PCDHGA6: variants seen among roughly 807,000 people sequenced by gnomAD.
PCDHGA6 encodes the protein protocadherin gamma subfamily A, 6.
In PCDHGA6, 41 loss-of-function variants were observed where a neutral mutation model predicts 60.6. The observed-to-expected ratio is 0.68, with a 90% CI of 0.53 to 0.88. The LOEUF is 0.88. Ranked by LOEUF, PCDHGA6 falls within the 40% of genes least tolerant of loss-of-function variation. The probability of loss-of-function intolerance (pLI) is 0.00; values close to 1 mark genes in which losing one functional copy is unlikely to be tolerated. For missense variants in PCDHGA6, 1,312 were observed against 1,203.0 expected (o/e 1.09, Z -1.34); for synonymous variants, 594 against 524.4 (o/e 1.13, Z -1.81).
chr5:141,442,650 G>A (rs192694987), intron 1 of PCDHGA6, among the ~76,000 whole-genome samples: 83 of 152,350 alleles, frequency 5.4e-4, no homozygotes, highest in Admixed American at 9.1e-4. Flanking sequence ...CCTAAGATGA[G>A]AAATATTTGG....
intron 1 of PCDHGA6, chr5:141,423,852 GT>G (rs971165220): frequency 2.5e-5 from 32 of 1,279,282 alleles, no homozygotes; most frequent in Non-Finnish European, 3.0e-5. Context: ...CTTTCAGAAC[GT>G]TTTTGTGAAA....
At chr5:141,425,448 C>G (rs897473729) in intron 1 of PCDHGA6, among the ~76,000 whole-genome samples, 1 of 152,164 alleles carries the variant, frequency 6.6e-6, no homozygotes, top group African/African-American at 2.4e-5. Flanking sequence ...AAATAAAACA[C>G]CATCACATTT....
At chr5:141,450,147 C>T (rs1322871298) in intron 1 of PCDHGA6, among the ~76,000 whole-genome samples, 2 of 151,774 alleles carry the variant, frequency 1.3e-5, no homozygotes, top group African/African-American at 4.8e-5. Context: ...GCTGGGACTA[C>T]AGGCATGTGC....
Position 141,511,039 on chromosome 5 carries a change from C to T in PCDHGA6, c.2665C>T (p.Pro889Ser). 1 of 1,614,196 alleles carries T rather than the reference C, an allele frequency of 6.2e-7. No homozygotes were observed. ...YGPQFTLQHV[P>S]DYRQNVYIPG... ...ACCCCAGTTCACCCTGCAGCACGTGCCCGACTACCGCCAGAATGTCTACAT... is the reference window on the plus strand; with the variant it reads ...ACCCCAGTTCACCCTGCAGCACGTGTCCGACTACCGCCAGAATGTCTACAT... The change falls in exon 4 of 4, where the codon CCC (proline) becomes TCC (serine). Residue 889 changes from proline (P) to serine (S), a missense_variant. Physicochemically the swap from Pro to Ser is moderately conservative, Grantham distance 74. Coordinates refer to ENST00000517434, the MANE Select transcript of PCDHGA6 (RefSeq NM_018919.3).
rs746088761 is a variant in PCDHGA6 at position 141,404,246 on chromosome 5, CT to C, written c.2424+27740del. 9.3e-6 allele frequency: 15 copies of C among 1,613,922 alleles called. 1 individual carries two copies. The highest frequency in any genetic ancestry group is 5.0e-5 in the Admixed American group (3 of 60,012). Reference sequence around the variant, plus strand: ...TGCAACAGACAGAGGAACTCCGCCCCTGTCCACAGAAATTCACATCACCCTG... The same window carrying C: ...TGCAACAGACAGAGGAACTCCGCCCCGTCCACAGAAATTCACATCACCCTG... On this transcript the variant is annotated intron_variant, in intron 1 of 3. Coordinates refer to ENST00000517434, the MANE Select transcript of PCDHGA6 (RefSeq NM_018919.3).
chr5:141,444,893 G>T (rs1238224263), intron 1 of PCDHGA6, among the ~76,000 whole-genome samples: 1 of 152,160 alleles, frequency 6.6e-6, no homozygotes, highest in Admixed American at 6.5e-5. Flanking sequence ...TTTTGAATGG[G>T]ATGGCATTGC....
intron 1 of PCDHGA6, among the ~76,000 whole-genome samples, chr5:141,462,459 CTG>C (rs2099040203): frequency 6.6e-6 from 1 of 152,010 alleles, no homozygotes; most frequent in African/African-American, 2.4e-5. Flanking sequence ...TAACTGAAAA[CTG>C]TGTATTCTGC....
Position 141,432,809 on chromosome 5 carries a change from T to A in PCDHGA6, c.2424+56302T>A. ...CGGCAGCCTCGAGTCTCCAGCTAAC[T>A]CTGAAACCTCAGACCTCACTCTGTA... is the stretch of plus-strand genomic sequence containing the variant. On this transcript the variant is annotated intron_variant, in intron 1 of 3. Coordinates refer to ENST00000517434, the MANE Select transcript of PCDHGA6 (RefSeq NM_018919.3). This position sits in a 1 kb window ranked among gnomAD's most constrained non-coding sequence, Gnocchi z 6.0. The A allele has an allele frequency of 6.2e-7, 1 of 1,613,398 alleles. No homozygotes were observed. Among genetic ancestry groups the A allele is most frequent in the Non-Finnish European group, 8.5e-7 (1 of 1,179,980 alleles).
rs2099694486 is a variant in PCDHGA6 at position 141,489,987 on chromosome 5, G to A, written c.2425-4820G>A. The A allele has an allele frequency of 1.2e-6, 2 of 1,614,106 alleles. No homozygotes were observed. The highest frequency in any genetic ancestry group is 1.3e-5 in the African/African-American group (1 of 74,932). The stretch of plus-strand genomic sequence containing the variant: ...CCTTCCAATCCTCAGTTCTACGTGT[G>A]GGAATCCCAGAGAATGCACCCATTG... On this transcript the variant is annotated intron_variant, in intron 1 of 3. Coordinates refer to ENST00000517434, the MANE Select transcript of PCDHGA6 (RefSeq NM_018919.3). The surrounding 1 kb of genome is among the most constrained non-coding windows in gnomAD (Gnocchi z 4.5).
At chr5:141,480,033 C>T (rs370321166) in intron 1 of PCDHGA6, among the ~76,000 whole-genome samples, 1 of 152,106 alleles carries the variant, frequency 6.6e-6, no homozygotes, top group African/African-American at 2.4e-5. Flanking sequence ...AAGCCTCTTC[C>T]TCATATGCAA....
At chr5:141,388,781 T>C (rs770000046) in intron 1 of PCDHGA6, 3 of 1,613,832 alleles carry the variant, frequency 1.9e-6, no homozygotes, top group Non-Finnish European at 2.5e-6. Flanking sequence ...CCGGGGAAAT[T>C]ACTGTTTTAA....
chr5:141,376,152 C>T lies in PCDHGA6; in HGVS notation c.2069C>T (p.Thr690Ile). Residue 690 changes from threonine (T) to isoleucine (I), a missense_variant, in exon 1 of 4, where the codon ACT becomes ATT. Physicochemically the swap from Thr to Ile is moderately conservative, Grantham distance 89 (BLOSUM62 -1). Coordinates refer to ENST00000517434, the MANE Select transcript of PCDHGA6 (RefSeq NM_018919.3). ...GCCAAACCCAACGATTCGGACCTCA[C>T]TCTGTACCTGGTGGTGGCGGTGGCC... ...PSAKPNDSDLTLYLVVAVAAV... is the reference protein window; with the variant it reads ...PSAKPNDSDLILYLVVAVAAV... 1.2e-6 allele frequency: 2 copies of T among 1,614,026 alleles called. No individual in the cohort carries two copies. Among genetic ancestry groups the T allele is most frequent in the Non-Finnish European group, 1.7e-6 (2 of 1,179,996 alleles).
At chr5:141,381,889 G>T (rs1385598954) in intron 1 of PCDHGA6, among the ~76,000 whole-genome samples, 1 of 132,634 alleles carries the variant, frequency 7.5e-6, no homozygotes, top group Non-Finnish European at 1.5e-5. Context: ...GAGTGCAATG[G>T]TGTGATCTCG....
chr5:141,408,488 T>C lies in PCDHGA6; in HGVS notation c.2424+31981T>C, dbSNP rs199936765. ...GAACCGAATAGACCGTGAGCAAATA[T>C]GCAAAGAGAGAAGAAGATGTGAGTT... On this transcript the variant is annotated intron_variant, in intron 1 of 3. Transcript: ENST00000517434. The C allele has an allele frequency of 8.1e-6, 13 of 1,613,894 alleles. No individual in the cohort carries two copies. The highest frequency in any genetic ancestry group is 4.0e-5 in the African/African-American group (3 of 74,922).
chr5:141,491,496 C>T lies in PCDHGA6; in HGVS notation c.2425-3311C>T, dbSNP rs372523924. ...AGTCCAGCCCCAACCTGCAGGTGAG[C>T]TCGGACGGCACGCTCAAGTACATGG... On this transcript the variant is annotated intron_variant, in intron 1 of 3. Transcript: ENST00000517434. This position sits in a 1 kb window ranked among gnomAD's most constrained non-coding sequence, Gnocchi z 6.9. 2.9e-5 allele frequency: 47 copies of T among 1,614,004 alleles called. No individual in the cohort carries two copies. Among genetic ancestry groups the T allele is most frequent in the Non-Finnish European group, 3.7e-5 (44 of 1,180,026 alleles).
intron 1 of PCDHGA6, chr5:141,428,361 C>T (rs1285334430): frequency 9.0e-6 from 5 of 556,646 alleles, no homozygotes; most frequent in South Asian, 7.5e-5. Context: ...TTTTGGCGGT[C>T]GCCTTGCACC....
chr5:141,428,065 C>T lies in PCDHGA6; in HGVS notation c.2424+51558C>T, dbSNP rs1028782772. 6 of 1,609,086 alleles carry T rather than the reference C, an allele frequency of 3.7e-6. No individual in the cohort carries two copies. The African/African-American group carries it at 6.7e-5, about 18-fold the overall frequency. ...GTGACCAAGGTGGTGGCGGTGGACGCAGATTCGGGACACAACGCTTGGCTG... is the reference window on the plus strand; with the variant it reads ...GTGACCAAGGTGGTGGCGGTGGACGTAGATTCGGGACACAACGCTTGGCTG... On this transcript the variant is annotated intron_variant, in intron 1 of 3. Coordinates refer to ENST00000517434, the MANE Select transcript of PCDHGA6 (RefSeq NM_018919.3).
At chr5:141,389,631 G>A (rs1390648430) in intron 1 of PCDHGA6, 15 of 1,612,998 alleles carry the variant, frequency 9.3e-6, no homozygotes, top group African/African-American at 1.3e-5. Flanking sequence ...TGCAGAGCCT[G>A]GCTACTTGGT....
chr5:141,412,040 G>A (rs1046669003), intron 1 of PCDHGA6: 1 of 152,230 alleles, frequency 6.6e-6, no homozygotes, highest in African/African-American at 2.4e-5. Flanking sequence ...TGTGAAAGAA[G>A]TGAACTTCTA....
Sources: allele counts gnomAD v4.1 joint callset (sites outside exome capture counted in the v4.1 genomes callset), GRCh38; gene constraint gnomAD v4.1.1; non-coding constraint Gnocchi (gnomAD v3.1); transcripts MANE v1.5; gene names NCBI Gene and HGNC (gene_info 2026-07-23, HGNC 2026-07-21).